The following PLA2G4A variants were observed in gnomAD, a reference collection of about 807,000 sequenced individuals.
PLA2G4A encodes phospholipase A2 group IVA, also known as cytosolic phospholipase A2.
A neutral mutation model predicts 81.9 loss-of-function variants in PLA2G4A; 40 were observed. That is an observed-to-expected ratio of 0.49 (90% CI 0.38 to 0.64). PLA2G4A has a LOEUF of 0.64. Ranked by LOEUF, PLA2G4A falls within the 30% of genes least tolerant of loss-of-function variation. The pLI is 0.00. For synonymous variants in PLA2G4A, 302 were observed against 296.9 expected (o/e 1.02, Z -0.18); for missense variants, 715 against 905.1 (o/e 0.79, Z 2.69).
At chr1:186,928,295 T>C (rs139193582) in intron 7 of PLA2G4A, among the ~76,000 whole-genome samples, 302 of 152,274 alleles carry the variant, frequency 2.0e-3, no homozygotes, top group Non-Finnish European at 3.6e-3. Flanking sequence ...AAATGTCCCA[T>C]ATCAGAAGCA....
At chr1:186,892,891 G>C in intron 3 of PLA2G4A, 120 bp from the exon 4 acceptor site, 1 of 751,358 alleles carries the variant, frequency 1.3e-6, no homozygotes, top group Non-Finnish European at 2.3e-6. Context: ...TCTTGTCTCA[G>C]ACATTTAAAT....
At chr1:186,897,954 C>T (rs1019611011) in intron 5 of PLA2G4A, among the ~76,000 whole-genome samples, 1 of 152,056 alleles carries the variant, frequency 6.6e-6, no homozygotes, top group African/African-American at 2.4e-5. Context: ...TCAACTCTTG[C>T]TCCTCTCCTT....
At chr1:186,927,631 G>A (rs1212028906) in intron 7 of PLA2G4A, among the ~76,000 whole-genome samples, 2 of 152,146 alleles carry the variant, frequency 1.3e-5, no homozygotes, top group Non-Finnish European at 2.9e-5. Flanking sequence ...AGACAATAAG[G>A]ACCATATTTC....
chr1:186,912,759 T>C (rs931550347), intron 7 of PLA2G4A, among the ~76,000 whole-genome samples: 6 of 136,118 alleles, frequency 4.4e-5, no homozygotes, highest in South Asian at 2.2e-4. Context: ...TGTATATATA[T>C]ACATAAGTAT....
In PLA2G4A at chr1:186,902,844, C is replaced by T. The variant is rs574916260; in HGVS notation, c.379-4121C>T. Among the ~76,000 whole-genome samples, 5 of 149,430 alleles carry T rather than the reference C, an allele frequency of 3.3e-5. No individual in the cohort carries two copies. The East Asian group carries it at 5.9e-4, about 18-fold the overall frequency. On this transcript the variant is annotated intron_variant, in intron 5 of 17. Transcript: ENST00000367466. ...GCTGACTCCTTTTTCGGACTCAGTC[C>T]GCCTACACCCTAGTGATTAAAAAGC...
intron 14 of PLA2G4A, 145 bp downstream of exon 14, chr1:186,956,489 G>T (rs1557891551): frequency 1.2e-6 from 1 of 835,960 alleles, no homozygotes; most frequent in Non-Finnish European, 2.0e-6. Context: ...GGCTTCAAAT[G>T]ACTAGGGTTT....
chr1:186,966,118 TA>T (rs10609057), intron 15 of PLA2G4A, among the ~76,000 whole-genome samples: 36,045 of 119,010 alleles, frequency 0.3, 6,028 homozygotes, highest in African/African-American at 0.47. Context: ...GAGTGGAAGT[TA>T]AAAAAAAAAA....
At chr1:186,836,188 C>T (rs1000343827) in intron 1 of PLA2G4A, among the ~76,000 whole-genome samples, 6 of 149,958 alleles carry the variant, frequency 4.0e-5, no homozygotes, top group African/African-American at 1.5e-4. Flanking sequence ...GAATTAATAC[C>T]CCAGTATTAA....
intron 17 of PLA2G4A, among the ~76,000 whole-genome samples, chr1:186,986,618 A>C (rs1657899427): frequency 6.6e-6 from 1 of 152,210 alleles, no homozygotes; most frequent in South Asian, 2.1e-4. Flanking sequence ...TAGAGTTCCC[A>C]ATTTTCATCA....
chr1:186,894,735 G>A (rs949954014), intron 5 of PLA2G4A, among the ~76,000 whole-genome samples: 46 of 152,116 alleles, frequency 3.0e-4, no homozygotes, highest in African/African-American at 8.4e-4. Flanking sequence ...ATTGATGGGA[G>A]GTTATTGTTA....
At chr1:186,903,742 T>G (rs934905261) in intron 5 of PLA2G4A, among the ~76,000 whole-genome samples, 1 of 151,898 alleles carries the variant, frequency 6.6e-6, no homozygotes, top group Non-Finnish European at 1.5e-5. Flanking sequence ...AGCTCAGGGC[T>G]CCCACTGATT....
intron 14 of PLA2G4A, among the ~76,000 whole-genome samples, chr1:186,959,228 G>T (rs888073681): frequency 6.6e-6 from 1 of 152,016 alleles, no homozygotes; most frequent in Non-Finnish European, 1.5e-5. Flanking sequence ...AATATGAGTT[G>T]ATTGCGGGTG....
At chr1:186,857,832 T>C (rs193219257) in intron 2 of PLA2G4A, among the ~76,000 whole-genome samples, 316 of 152,160 alleles carry the variant, frequency 2.1e-3, no homozygotes, top group African/African-American at 7.3e-3. Context: ...AGTTCCCACC[T>C]ATGAGTGAGA....
At chr1:186,983,181 C>T (rs545631973) in intron 17 of PLA2G4A, among the ~76,000 whole-genome samples, 95 of 152,196 alleles carry the variant, frequency 6.2e-4, no homozygotes, top group Middle Eastern at 3.4e-3. Flanking sequence ...CAAAACTCTG[C>T]TGAATTAGCT....
At chr1:186,846,512 T>C (rs1020787937) in intron 1 of PLA2G4A, among the ~76,000 whole-genome samples, 3 of 152,168 alleles carry the variant, frequency 2.0e-5, no homozygotes, top group Non-Finnish European at 4.4e-5. Context: ...TTCATTTAGC[T>C]TTCCCTAGTG....
chr1:186,842,234 G>T (rs1476039648), intron 1 of PLA2G4A, among the ~76,000 whole-genome samples: 1 of 151,876 alleles, frequency 6.6e-6, no homozygotes, highest in South Asian at 2.1e-4. Context: ...GTAGAGACAG[G>T]GTTTCACAGT....
At chr1:186,899,193 A>T (rs1000898061) in intron 5 of PLA2G4A, among the ~76,000 whole-genome samples, 2 of 152,194 alleles carry the variant, frequency 1.3e-5, no homozygotes, top group African/African-American at 4.8e-5. Flanking sequence ...TAGTTAAGAA[A>T]GGTATCTTTG....
chr1:186,985,133 C>A (rs1657852787), intron 17 of PLA2G4A, among the ~76,000 whole-genome samples: 2 of 152,174 alleles, frequency 1.3e-5, no homozygotes. Flanking sequence ...CTGACGAATG[C>A]CACAGCCTCC....
At chr1:186,970,444 C>T (rs1409211156) in intron 15 of PLA2G4A, among the ~76,000 whole-genome samples, 1 of 151,948 alleles carries the variant, frequency 6.6e-6, no homozygotes, top group Non-Finnish European at 1.5e-5. Flanking sequence ...GCTTTGGTTG[C>T]CTGTGCATCT....
Sources: gnomAD v4.1 joint callset for allele counts (sites outside exome capture counted in the v4.1 genomes callset) on GRCh38, gnomAD v4.1.1 for gene constraint, MANE v1.5 for transcripts, NCBI Gene and HGNC (gene_info 2026-07-23, HGNC 2026-07-21) for gene names.